KCNH8: variants seen among roughly 807,000 people sequenced by gnomAD.
KCNH8 encodes voltage-gated delayed rectifier potassium channel KCNH8.
A neutral mutation model predicts 103.6 loss-of-function variants in KCNH8; 70 were observed. The observed-to-expected ratio is 0.68, with a 90% CI of 0.56 to 0.82. The LOEUF is 0.82. Ranked by LOEUF, KCNH8 falls within the 40% of genes least tolerant of loss-of-function variation. The probability of loss-of-function intolerance (pLI) is 0.00; values close to 1 mark genes in which losing one functional copy is unlikely to be tolerated. For synonymous variants in KCNH8, 498 were observed against 489.4 expected (o/e 1.02, Z -0.23); for missense variants, 1,217 against 1,329.9 (o/e 0.92, Z 1.32).
intron 8 of KCNH8, among the ~76,000 whole-genome samples, chr3:19,446,131 T>A (rs2125179032): frequency 6.6e-6 from 1 of 152,166 alleles, no homozygotes; most frequent in South Asian, 2.1e-4. Context: ...GAAATATGTA[T>A]GTATAACTAT....
intron 7 of KCNH8, among the ~76,000 whole-genome samples, chr3:19,428,994 G>A (rs2067071568): frequency 6.6e-6 from 1 of 151,856 alleles, no homozygotes; most frequent in African/African-American, 2.4e-5. Flanking sequence ...CTCAGACAAC[G>A]TCATTGCCCT....
rs530192246 is a variant in KCNH8 at position 19,512,692 on chromosome 3, C to T, written c.2080-278C>T. Among the ~76,000 whole-genome samples, 13 of 152,150 alleles carry T rather than the reference C, an allele frequency of 8.5e-5. 1 individual carries two copies. Among genetic ancestry groups the T allele is most frequent in the Middle Eastern group, 6.8e-3 (2 of 294 alleles). Reference sequence around the variant, plus strand: ...CAAACCTGGTATAATGCACCTTTCACGTGGCTCCCCATGAAGACAGTTTAA... The same window carrying T: ...CAAACCTGGTATAATGCACCTTTCATGTGGCTCCCCATGAAGACAGTTTAA... On this transcript the variant is annotated intron_variant, in intron 12 of 15. Coordinates refer to ENST00000328405, the MANE Select transcript of KCNH8 (RefSeq NM_144633.3).
At chr3:19,365,915 TGAA>T (rs1559494060) in intron 5 of KCNH8, among the ~76,000 whole-genome samples, 1 of 152,084 alleles carries the variant, frequency 6.6e-6, no homozygotes, top group Non-Finnish European at 1.5e-5. Context: ...TATCTCTTGA[TGAA>T]GAACATTCCA....
At chr3:19,351,341 C>T (rs1460506697) in intron 5 of KCNH8, among the ~76,000 whole-genome samples, 1 of 152,078 alleles carries the variant, frequency 6.6e-6, no homozygotes, top group Non-Finnish European at 1.5e-5. Context: ...ACTTTCCCAA[C>T]CTAGCAAGGC....
intron 11 of KCNH8, among the ~76,000 whole-genome samples, chr3:19,503,842 T>A (rs2068639398): frequency 6.6e-6 from 1 of 151,916 alleles, no homozygotes; most frequent in South Asian, 2.1e-4. Context: ...GACGAGTTAG[T>A]GGGTGCAGCG....
intron 2 of KCNH8, among the ~76,000 whole-genome samples, chr3:19,263,077 G>A (rs2064458170): frequency 6.6e-6 from 1 of 152,032 alleles, no homozygotes; most frequent in Admixed American, 6.6e-5. Flanking sequence ...GCAACTGAAA[G>A]CATCCAAGTG....
intron 5 of KCNH8, among the ~76,000 whole-genome samples, chr3:19,350,958 A>G (rs567631337): frequency 4.6e-5 from 7 of 152,246 alleles, no homozygotes; most frequent in Non-Finnish European, 7.4e-5. Context: ...GGATGTTTGA[A>G]CCCATCACAA....
intron 11 of KCNH8, among the ~76,000 whole-genome samples, chr3:19,503,349 C>G (rs1343504311): frequency 2.6e-5 from 4 of 152,148 alleles, no homozygotes; most frequent in Non-Finnish European, 5.9e-5. Flanking sequence ...CCTAGTTCAA[C>G]CATTGTGGAA....
intron 11 of KCNH8, among the ~76,000 whole-genome samples, chr3:19,463,657 T>G (rs578011278): frequency 4.6e-5 from 7 of 152,294 alleles, no homozygotes; most frequent in Non-Finnish European, 8.8e-5. Context: ...GAATATAGTC[T>G]TGTGTATCCA....
rs181157215 is a variant in KCNH8 at position 19,405,354 on chromosome 3, A to T, written c.1177+10043A>T. Among the ~76,000 whole-genome samples, 343 of 152,022 alleles carry T rather than the reference A, an allele frequency of 2.3e-3. 2 individuals carry two copies. Among genetic ancestry groups the T allele is most frequent in the African/African-American group, 7.8e-3 (323 of 41,534 alleles). On this transcript the variant is annotated intron_variant, in intron 7 of 15. Coordinates refer to ENST00000328405, the MANE Select transcript of KCNH8 (RefSeq NM_144633.3). ...TGACTTTAAATTATTTTATAGAAAT[A>T]TCAAATAATATGTATCTAATAATGT...
At chr3:19,411,386 A>G (rs1309043447) in intron 7 of KCNH8, among the ~76,000 whole-genome samples, 1 of 152,106 alleles carries the variant, frequency 6.6e-6, no homozygotes, top group Non-Finnish European at 1.5e-5. Context: ...AGAGCCATCT[A>G]TGACATACCC....
At chr3:19,349,508 A>G (rs2065771541) in intron 5 of KCNH8, among the ~76,000 whole-genome samples, 1 of 152,126 alleles carries the variant, frequency 6.6e-6, no homozygotes, top group South Asian at 2.1e-4. Flanking sequence ...GAAATAATAG[A>G]TGTAAGTATC....
chr3:19,486,725 C>A (rs557766679), intron 11 of KCNH8, among the ~76,000 whole-genome samples: 54 of 152,140 alleles, frequency 3.5e-4, no homozygotes, highest in Non-Finnish European at 6.6e-4. Flanking sequence ...CCGGTCGCCC[C>A]CCTTTGTAGC....
chr3:19,515,460 A>T (rs763061891), intron 14 of KCNH8, 32 bp downstream of exon 14: 6 of 1,131,612 alleles, frequency 5.3e-6, no homozygotes, highest in Non-Finnish European at 6.1e-6. Flanking sequence ...CTCCTAAGGT[A>T]AAATATTTCT....
rs143337572 is a variant in KCNH8 at position 19,283,813 on chromosome 3, C to T, written c.442+2484C>T. ...AAAAATTAGCCAGGTCATGGTGGTG[C>T]GCACTTGTAGTCCCAGCTATTTGGG... is the stretch of plus-strand genomic sequence containing the variant. On this transcript the variant is annotated intron_variant, in intron 3 of 15. Transcript: ENST00000328405. 3.9e-3 allele frequency among the ~76,000 whole-genome samples: 580 copies of T among 150,452 alleles called. 7 individuals are homozygous for T. Among genetic ancestry groups the T allele is most frequent in the African/African-American group, 0.013 (517 of 41,084 alleles).
At chr3:19,206,690 T>A (rs2063720396) in intron 1 of KCNH8, among the ~76,000 whole-genome samples, 1 of 151,950 alleles carries the variant, frequency 6.6e-6, no homozygotes, top group Non-Finnish European at 1.5e-5. Context: ...TACCCAGTTG[T>A]GACATTCAAA....
chr3:19,482,741 C>A (rs1386725645), intron 11 of KCNH8, among the ~76,000 whole-genome samples: 1 of 152,290 alleles, frequency 6.6e-6, no homozygotes, highest in East Asian at 1.9e-4. Context: ...ACTACTTGTC[C>A]TTGATCATCT....
chr3:19,416,787 T>C (rs1005554290), intron 7 of KCNH8, among the ~76,000 whole-genome samples: 1 of 152,202 alleles, frequency 6.6e-6, no homozygotes, highest in Admixed American at 6.5e-5. Flanking sequence ...TCATAGATAG[T>C]GTGCTTGCAA....
At chr3:19,482,468 G>A (rs540606357) in intron 11 of KCNH8, among the ~76,000 whole-genome samples, 5 of 152,238 alleles carry the variant, frequency 3.3e-5, no homozygotes, top group East Asian at 3.9e-4. Context: ...AAGACAGATC[G>A]ATAGTAATTC....
Sources: allele counts gnomAD v4.1 joint callset (sites outside exome capture counted in the v4.1 genomes callset), GRCh38; gene constraint gnomAD v4.1.1; transcripts MANE v1.5; gene names NCBI Gene and HGNC (gene_info 2026-07-23, HGNC 2026-07-21).